The following MRPS25 variants were observed in gnomAD, a reference collection of about 807,000 sequenced individuals.
MRPS25 encodes small ribosomal subunit protein mS25.
Under a neutral mutation model 17.3 loss-of-function variants are expected in MRPS25, and 15 were observed. The observed-to-expected ratio is 0.87, with a 90% confidence interval of 0.58 to 1.34. MRPS25 has a LOEUF of 1.34. Among genes scored for constraint, MRPS25 ranks in the 40% most tolerant of loss-of-function variants. The pLI, the probability that MRPS25 is intolerant of heterozygous loss-of-function variation, is 0.00. For missense variants in MRPS25, 225 were observed against 218.6 expected (o/e 1.03, Z -0.19); for synonymous variants, 94 against 83.3 (o/e 1.13, Z -0.70).
Position 15,050,773 on chromosome 3 carries a change from C to G in MRPS25, c.*1668G>C. On this transcript the variant is annotated 3_prime_UTR_variant, in exon 4 of 4. Transcript: ENST00000253686. ...CATCAGTCTCTGCCCACCTTCCCCTCCCACCCCCGACAAGCCATCACCCCA... is the reference window on the plus strand; with the variant it reads ...CATCAGTCTCTGCCCACCTTCCCCTGCCACCCCCGACAAGCCATCACCCCA... The G allele has an allele frequency of 1.0e-6, 1 of 985,380 alleles. No individual in the cohort carries two copies. The highest frequency in any genetic ancestry group is 1.2e-6 in the Non-Finnish European group (1 of 829,914). The allele number at this position is 985,380 out of a possible 1,614,324, so 61.0% of individuals were successfully genotyped here.
chr3:15,061,640 C>T (rs1307883001), intron 1 of MRPS25, among the ~76,000 whole-genome samples: 7 of 152,184 alleles, frequency 4.6e-5, no homozygotes, highest in African/African-American at 1.7e-4. Context: ...GCCACCACCC[C>T]GTCTGGGAAG....
At chr3:15,044,251 G>C (rs1002482888), downstream of MRPS25, 3 of 152,276 alleles carry the variant, frequency 2.0e-5, no homozygotes, top group East Asian at 5.8e-4. Context: ...TTAAAAATGT[G>C]TATAGACTCA....
At chr3:15,054,797 GATAAAGGAC>G (rs1213565160) in intron 2 of MRPS25, among the ~76,000 whole-genome samples, 1 of 152,138 alleles carries the variant, frequency 6.6e-6, no homozygotes, top group African/African-American at 2.4e-5. Flanking sequence ...GCATATATCT[GATAAAGGAC>G]TTATATCCAG....
intron 2 of MRPS25, 176 bp from the exon 3 acceptor site, chr3:15,053,643 G>C (rs1330127869): frequency 1.4e-6 from 1 of 734,066 alleles, no homozygotes; most frequent in Non-Finnish European, 2.4e-6. Context: ...CTTTAGACCT[G>C]AGCAAGCATA....
At chr3:15,044,645 T>C (rs551020405), downstream of MRPS25, 1 of 152,382 alleles carries the variant, frequency 6.6e-6, no homozygotes, top group African/African-American at 2.4e-5. Flanking sequence ...TCTCTTGATT[T>C]GTTAATCAGA....
At chr3:15,063,327 G>C (rs1418287409) in intron 1 of MRPS25, among the ~76,000 whole-genome samples, 2 of 152,164 alleles carry the variant, frequency 1.3e-5, no homozygotes, top group African/African-American at 4.8e-5. Context: ...GTAAGGACTT[G>C]GCCCTCAAAT....
intron 2 of MRPS25, among the ~76,000 whole-genome samples, chr3:15,056,205 ACT>A (rs1317142230): frequency 6.6e-6 from 1 of 150,612 alleles, no homozygotes; most frequent in African/African-American, 2.5e-5. Context: ...ACAGAGCGAG[ACT>A]CTGTCTCAAA....
chr3:15,052,875 T>C (rs532474974), intron 3 of MRPS25, among the ~76,000 whole-genome samples: 23 of 152,334 alleles, frequency 1.5e-4, no homozygotes, highest in African/African-American at 5.3e-4. Context: ...GCGGTCAGCC[T>C]ATCTGCTGCC....
Position 15,052,245 on chromosome 3 carries a change from G to A in MRPS25, c.*196C>T, listed in dbSNP as rs1559326546. The A allele has an allele frequency of 5.2e-6, 7 of 1,352,424 alleles. No homozygotes were observed. In the East Asian group the frequency reaches 1.9e-4, roughly 36 times the overall value. 83.8% of individuals were successfully genotyped at this position (1,352,424 alleles called of 1,614,324 possible). A position where few individuals can be genotyped will look rare whatever the true frequency, so the allele number is the denominator to read the frequency against. ...GCGTTTTATTGACCAGCAGAGCAGGGATATTCATTTAGCAGCTCAGCTTCA... is the reference window on the plus strand; with the variant it reads ...GCGTTTTATTGACCAGCAGAGCAGGAATATTCATTTAGCAGCTCAGCTTCA... On this transcript the variant is annotated 3_prime_UTR_variant, in exon 4 of 4. Coordinates refer to ENST00000253686, the MANE Select transcript of MRPS25 (RefSeq NM_022497.5).
At position 15,065,139 on chromosome 3, in the gene MRPS25, C is replaced by T. The variant is rs2042836727; in HGVS notation, c.56G>A (p.Gly19Glu). 6.2e-7 allele frequency: 1 copy of T among 1,609,308 alleles called. No individual in the cohort carries two copies. The highest frequency in any genetic ancestry group is 1.7e-5 in the Admixed American group (1 of 59,514). The change falls in exon 1 of 4, where the codon GGG (glycine) becomes GAG (glutamate). Residue 19 changes from glycine to glutamate, a missense_variant. Gly to Glu is a moderately conservative substitution (Grantham distance 98, BLOSUM62 -2). Transcript: ENST00000253686. ...IRRTLQYLSQ[G>E]NVVFKDSVKV... ...CACGGAGTCCTTGAACACCACGTTC[C>T]CCTGGCTCAGATATTGCAGGGTGCG...
In MRPS25 at chr3:15,049,687, A is replaced by G. The variant is rs1575064603; in HGVS notation, c.*2754T>C. ...CTCCAAAAGTTTCAGAAGTTAGAAC[A>G]TATTCATTATGTCATCTGACCTCTC... On this transcript the variant is annotated 3_prime_UTR_variant, in exon 4 of 4. Transcript: ENST00000253686. 1 of 557,254 alleles carries G rather than the reference A, an allele frequency of 1.8e-6. No homozygotes were observed. The highest frequency in any genetic ancestry group is 3.1e-6 in the Non-Finnish European group (1 of 321,120). 34.5% of individuals were successfully genotyped at this position (557,254 alleles called of 1,614,324 possible).
intron 3 of MRPS25, among the ~76,000 whole-genome samples, chr3:15,053,014 A>T (rs1385082206): frequency 6.6e-6 from 1 of 152,166 alleles, no homozygotes; most frequent in Admixed American, 6.5e-5. Flanking sequence ...TCATGGAAAG[A>T]AAGACCTGTC....
downstream of MRPS25, chr3:15,044,533 G>GC (rs2042383855): frequency 6.6e-6 from 1 of 152,228 alleles, no homozygotes; most frequent in African/African-American, 2.4e-5. Flanking sequence ...AGCTTTTCCT[G>GC]TTTGAGAACA....
rs536073828 is a variant in MRPS25, at chr3:15,058,799, C to T, written c.241+570G>A. On this transcript the variant is annotated intron_variant, in intron 2 of 3. Coordinates refer to ENST00000253686, the MANE Select transcript of MRPS25 (RefSeq NM_022497.5). ...GGATCAAAGTGTCTGAGAGCTGGGC[C>T]AGAACAGCTGCCCTCCTCGTTTTCC... 4.7e-4 allele frequency among the ~76,000 whole-genome samples: 72 copies of T among 152,194 alleles called. 1 individual carries two copies. The highest frequency in any genetic ancestry group is 3.4e-3 in the Middle Eastern group (1 of 294).
Position 15,049,804 on chromosome 3 carries a change from G to T in MRPS25, c.*2637C>A. Reference sequence around the variant, plus strand: ...GGGCCTCACTCCGTCACCCAGGCTGGAATGCAGTGGTACAGTCATGGCTCA... The same window carrying T: ...GGGCCTCACTCCGTCACCCAGGCTGTAATGCAGTGGTACAGTCATGGCTCA... On this transcript the variant is annotated 3_prime_UTR_variant, in exon 4 of 4. Coordinates refer to ENST00000253686, the MANE Select transcript of MRPS25 (RefSeq NM_022497.5). 2 of 860,580 alleles carry T rather than the reference G, an allele frequency of 2.3e-6. No individual in the cohort carries two copies. Among genetic ancestry groups the T allele is most frequent in the Admixed American group, 2.4e-5 (1 of 42,506 alleles). 53.3% of individuals were successfully genotyped at this position (860,580 alleles called of 1,614,324 possible). A position where few individuals can be genotyped will look rare whatever the true frequency, so the allele number is the denominator to read the frequency against.
Position 15,052,647 on chromosome 3 carries a change from C to A in MRPS25, c.330-14G>T, listed in dbSNP as rs745477386. 2 of 1,609,542 alleles carry A rather than the reference C, an allele frequency of 1.2e-6. No homozygotes were observed. Among genetic ancestry groups the A allele is most frequent in the Middle Eastern group, 1.7e-4 (1 of 6,050 alleles). ...CTGAGGGTTTCCCTGCCAAAGAGCA[C>A]AGACGGCAACCAAGCATTGGCAACT... is the stretch of plus-strand genomic sequence containing the variant. On this transcript the variant is annotated splice_polypyrimidine_tract_variant and intron_variant, in intron 3 of 3. Coordinates refer to ENST00000253686, the MANE Select transcript of MRPS25 (RefSeq NM_022497.5).
At chr3:15,054,528 C>T (rs934847259) in intron 2 of MRPS25, among the ~76,000 whole-genome samples, 3 of 151,920 alleles carry the variant, frequency 2.0e-5, no homozygotes, top group African/African-American at 4.8e-5. Flanking sequence ...GGCAACAGAG[C>T]GAGACTCAAC....
intron 1 of MRPS25, among the ~76,000 whole-genome samples, chr3:15,061,826 C>T (rs1344513253): frequency 1.3e-5 from 2 of 151,652 alleles, no homozygotes; most frequent in South Asian, 2.1e-4. Flanking sequence ...TGCCCGGCCG[C>T]GACCCCGTCT....
In MRPS25 at chr3:15,051,509, C is replaced by T. The variant is rs938195496; in HGVS notation, c.*932G>A. On this transcript the variant is annotated 3_prime_UTR_variant, in exon 4 of 4. Coordinates refer to ENST00000253686, the MANE Select transcript of MRPS25 (RefSeq NM_022497.5). ...AGCTAAACCTATTCTTAAGGTGACCCTAGAAGGCTCTGCTGTCTTCTGGAG... is the reference window on the plus strand; with the variant it reads ...AGCTAAACCTATTCTTAAGGTGACCTTAGAAGGCTCTGCTGTCTTCTGGAG... 6.1e-6 allele frequency: 6 copies of T among 985,216 alleles called. No homozygotes were observed. In the Admixed American group the frequency reaches 2.5e-4, roughly 40 times the overall value. 61.0% of individuals were successfully genotyped at this position (985,216 alleles called of 1,614,324 possible). A position where few individuals can be genotyped will look rare whatever the true frequency, so the allele number is the denominator to read the frequency against.
Sources: allele counts gnomAD v4.1 joint callset (sites outside exome capture counted in the v4.1 genomes callset), GRCh38; gene constraint gnomAD v4.1.1; transcripts MANE v1.5; gene names NCBI Gene and HGNC (gene_info 2026-07-23, HGNC 2026-07-21).